SVIL: variants seen among roughly 807,000 people sequenced by gnomAD.
SVIL encodes the protein archvillin.
Under a neutral mutation model 240.4 loss-of-function variants are expected in SVIL, and 101 were observed. The ratio of observed to expected loss-of-function variants is 0.42; its 90% CI spans 0.36 to 0.50. SVIL has a LOEUF of 0.50. Ranked by LOEUF, SVIL falls within the 20% of genes least tolerant of loss-of-function variation. SVIL has a pLI of 0.01. For missense variants in SVIL, 2,512 were observed against 2,818.7 expected (o/e 0.89, Z 2.46); for synonymous variants, 999 against 1,100.0 (o/e 0.91, Z 1.82).
chr10:29,616,877 G>A (rs887101575), intron 1 of SVIL, among the ~76,000 whole-genome samples: 6 of 152,066 alleles, frequency 3.9e-5, no homozygotes, highest in Non-Finnish European at 7.4e-5. Context: ...CCCACGCCAC[G>A]AAGCATGGCT....
chr10:29,506,724 T>TATGAGGGAGGGG (rs1741596894), intron 17 of SVIL, among the ~76,000 whole-genome samples: 2 of 88,362 alleles, frequency 2.3e-5, no homozygotes, highest in Non-Finnish European at 4.9e-5. Flanking sequence ...ATAGAGACTC[T>TATGAGGGAGGGG]ACGAAGGAGG....
intron 3 of SVIL, among the ~76,000 whole-genome samples, chr10:29,654,021 A>C (rs1958922293): frequency 6.6e-6 from 1 of 152,154 alleles, no homozygotes; most frequent in South Asian, 2.1e-4. Flanking sequence ...TGTCATGGCT[A>C]TTCTGGGTCC....
At chr10:29,498,585 A>G (rs1027812572) in intron 18 of SVIL, among the ~76,000 whole-genome samples, 25 of 152,224 alleles carry the variant, frequency 1.6e-4, no homozygotes, top group African/African-American at 6.0e-4. Flanking sequence ...AGAATCATAT[A>G]AAGTTTAAAG....
At chr10:29,602,681 T>A (rs1956860969) in intron 1 of SVIL, among the ~76,000 whole-genome samples, 1 of 152,138 alleles carries the variant, frequency 6.6e-6, no homozygotes, top group Admixed American at 6.6e-5. Flanking sequence ...CTAAATATAA[T>A]TTTTTTAAAA....
intron 3 of SVIL, among the ~76,000 whole-genome samples, chr10:29,654,938 G>C (rs369739389): frequency 9.2e-5 from 14 of 152,134 alleles, no homozygotes; most frequent in African/African-American, 2.9e-4. Flanking sequence ...ATCCAGGCCC[G>C]GAGTCAATTG....
intron 1 of SVIL, among the ~76,000 whole-genome samples, chr10:29,614,792 C>T (rs1957372428): frequency 6.6e-6 from 1 of 151,998 alleles, no homozygotes; most frequent in South Asian, 2.1e-4. Flanking sequence ...CACATGTATC[C>T]CAGAACTTAA....
intron 2 of SVIL, among the ~76,000 whole-genome samples, chr10:29,681,903 C>G (rs1960685342): frequency 6.6e-6 from 1 of 152,180 alleles, no homozygotes; most frequent in African/African-American, 2.4e-5. Flanking sequence ...CACCTTAACC[C>G]TGATCAGGAA....
At chr10:29,733,649 G>A (rs1964744325) in intron 1 of SVIL, among the ~76,000 whole-genome samples, 2 of 152,144 alleles carry the variant, frequency 1.3e-5, no homozygotes, top group Admixed American at 1.3e-4. Context: ...CAGAGGCTAG[G>A]CAAATTGTCC....
At chr10:29,473,544 T>G in intron 30 of SVIL, 1 of 439,738 alleles carries the variant, frequency 2.3e-6, no homozygotes. Flanking sequence ...AGTGCCTTGA[T>G]TGGTTAGGTG....
At position 29,716,537 on chromosome 10, in the gene SVIL, G is replaced by C. The variant is rs1963620296; in HGVS notation, c.-400+19214C>G. ...TGTGGCAGAGCAAAAGGAGAAAGCT[G>C]TGTGTTACATAAAAAGTCAAAGATA... On this transcript the variant is annotated intron_variant, in intron 1 of 35. Coordinates refer to the SVIL transcript ENST00000375400. Among the ~76,000 whole-genome samples, 4 of 152,206 alleles carry C rather than the reference G, an allele frequency of 2.6e-5. No homozygotes were observed. The South Asian group carries it at 8.3e-4, about 32-fold the overall frequency.
At chr10:29,533,546 A>C (rs1349966279) in intron 7 of SVIL, 88 bp from the exon 8 acceptor site, 7 of 1,482,848 alleles carry the variant, frequency 4.7e-6, no homozygotes, top group African/African-American at 1.4e-5. Flanking sequence ...TTACCAGTGA[A>C]TGGAAACTGA....
At chr10:29,656,293 C>T (rs371679210) in intron 3 of SVIL, among the ~76,000 whole-genome samples, 11 of 151,812 alleles carry the variant, frequency 7.2e-5, no homozygotes, top group South Asian at 6.2e-4. Flanking sequence ...CTATGCCACC[C>T]GCATAACTTG....
At chr10:29,489,551 TTTG>T (rs770762961) in intron 22 of SVIL, among the ~76,000 whole-genome samples, 15 of 152,164 alleles carry the variant, frequency 9.9e-5, no homozygotes, top group Admixed American at 9.8e-4. Flanking sequence ...ATACACTTTT[TTTG>T]TTGTTGTTGT....
rs1277791979 is a variant in SVIL at position 29,735,544 on chromosome 10, C to A, written c.-400+207G>T. ...GGGACCCCGCGGGCCGAGCGCAGCGCCCCGTCGCAGCGGCCCGGGCACCCG... is the reference window on the plus strand; with the variant it reads ...GGGACCCCGCGGGCCGAGCGCAGCGACCCGTCGCAGCGGCCCGGGCACCCG... On this transcript the variant is annotated intron_variant, in intron 1 of 35. Coordinates refer to the SVIL transcript ENST00000375400. The surrounding 1 kb of genome is among the most constrained non-coding windows in gnomAD (Gnocchi z 4.1). Among the ~76,000 whole-genome samples, 4 of 150,644 alleles carry A rather than the reference C, an allele frequency of 2.7e-5. No individual in the cohort carries two copies. In the East Asian group the frequency reaches 8.0e-4, roughly 30 times the overall value.
At chr10:29,622,635 A>G (rs1177106444) in intron 1 of SVIL, among the ~76,000 whole-genome samples, 1 of 152,204 alleles carries the variant, frequency 6.6e-6, no homozygotes, top group Non-Finnish European at 1.5e-5. Flanking sequence ...GTTTCCATCC[A>G]TACGTTTAAA....
At chr10:29,531,323 TA>T in intron 9 of SVIL, 35 bp from the exon 10 acceptor site, 5 of 1,590,778 alleles carry the variant, frequency 3.1e-6, no homozygotes, top group Non-Finnish European at 4.3e-6. Context: ...AATAATACAT[TA>T]GCAGGTGGGA....
intron 1 of SVIL, among the ~76,000 whole-genome samples, chr10:29,731,293 G>A (rs1414760919): frequency 6.6e-6 from 1 of 152,172 alleles, no homozygotes; most frequent in Non-Finnish European, 1.5e-5. Flanking sequence ...CTCAACAGAA[G>A]ATTTGCTGAA....
intron 6 of SVIL, among the ~76,000 whole-genome samples, chr10:29,544,004 C>T (rs1054314920): frequency 1.3e-5 from 2 of 152,118 alleles, no homozygotes; most frequent in Non-Finnish European, 2.9e-5. Context: ...GAAATAATAA[C>T]TCACTCCAGG....
chr10:29,669,963 A>C (rs1282084183), intron 2 of SVIL, among the ~76,000 whole-genome samples: 2 of 151,890 alleles, frequency 1.3e-5, no homozygotes, highest in African/African-American at 2.4e-5. Flanking sequence ...AAAAATTTAA[A>C]AATTAGCTGG....
Sources: gnomAD v4.1 joint callset for allele counts (sites outside exome capture counted in the v4.1 genomes callset) on GRCh38, gnomAD v4.1.1 for gene constraint, Gnocchi (gnomAD v3.1) non-coding constraint, MANE v1.5 for transcripts, NCBI Gene and HGNC (gene_info 2026-07-23, HGNC 2026-07-21) for gene names.